CDK12: variants seen among roughly 807,000 people sequenced by gnomAD.
The protein encoded by CDK12 is cyclin dependent kinase 12, also known as cyclin-dependent kinase 12.
CDK12 carries 17 observed loss-of-function variants against 133.8 expected under a neutral mutation model. The ratio of observed to expected loss-of-function variants is 0.13; its 90% confidence interval spans 0.09 to 0.19. The LOEUF (loss-of-function observed/expected upper bound fraction) is 0.19, where lower values mean the gene tolerates loss of function less well. Among genes scored for constraint, CDK12 ranks in the 10% least tolerant of loss-of-function variants. The pLI is 1.00. For synonymous variants in CDK12, 694 were observed against 683.6 expected, an observed-to-expected ratio of 1.02 and a Z score of -0.24; for missense variants, 1,508 against 1,818.7, an observed-to-expected ratio of 0.83 and a Z score of 3.11.
chr17:39,494,793 G>A (rs572509653), intron 5 of CDK12, 99 bp downstream of exon 5: 59 of 871,936 alleles, frequency 6.8e-5, no homozygotes, highest in Admixed American at 4.2e-4. Context: ...TTTTTGAGAC[G>A]GAGTCTTGCT....
Position 39,533,867 on chromosome 17 carries a change from T to C in CDK12, c.*2551T>C, listed in dbSNP as rs2055006649. 1 of 232,258 alleles carries C rather than the reference T, an allele frequency of 4.3e-6. No homozygotes were observed. Among genetic ancestry groups the C allele is most frequent in the African/African-American group, 2.2e-5 (1 of 45,298 alleles). 14.4% of individuals were successfully genotyped at this position (232,258 alleles called of 1,614,324 possible). On this transcript the variant is annotated 3_prime_UTR_variant, in exon 14 of 14. Coordinates refer to ENST00000447079, the MANE Select transcript of CDK12 (RefSeq NM_016507.4). Reference sequence around the variant, plus strand: ...AAAAGGTATTTGTTAATTTTTCAGTTACGTTATCTATAAACATGATGGAAG... The same window carrying C: ...AAAAGGTATTTGTTAATTTTTCAGTCACGTTATCTATAAACATGATGGAAG...
Position 39,524,762 on chromosome 17 carries a change from C to G in CDK12, c.3184C>G (p.Pro1062Ala). The G allele has an allele frequency of 6.2e-7, 1 of 1,614,176 alleles. No individual in the cohort carries two copies. Among genetic ancestry groups the G allele is most frequent in the Non-Finnish European group, 8.5e-7 (1 of 1,180,040 alleles). The change falls in exon 12 of 14, where the codon CCA becomes GCA. Residue 1062 changes from proline (P) to alanine (A), a missense_variant. Around this residue, in one of 9 missense-constraint regions of CDK12, gnomAD observed 399 missense variants for 469.6 expected, o/e 0.85. Transcript: ENST00000447079. ...TGGTGTTGTAGTCGAAGAGCCACCT[C>G]CATCCAAAACTTCTCGAAAAGAAAC... is the stretch of plus-strand genomic sequence containing the variant. Reference protein sequence around the residue: ...QSGVVVEEPPPSKTSRKETTS... With the variant: ...QSGVVVEEPPASKTSRKETTS...
chr17:39,467,181 G>A (rs1235057476), intron 1 of CDK12, among the ~76,000 whole-genome samples: 2 of 151,902 alleles, frequency 1.3e-5, no homozygotes, highest in Admixed American at 6.6e-5. Context: ...GTTTCACCAT[G>A]TTGGCCAGGA....
rs1315080035 is a variant in CDK12, at chr17:39,531,615, T to G, written c.*299T>G. ...CATTGAAAAGTAAATGTTTTATTAGTTCATTGCCTGCACTTACTGATCGGA... is the reference window on the plus strand; with the variant it reads ...CATTGAAAAGTAAATGTTTTATTAGGTCATTGCCTGCACTTACTGATCGGA... On this transcript the variant is annotated 3_prime_UTR_variant, in exon 14 of 14. Coordinates refer to ENST00000447079, the MANE Select transcript of CDK12 (RefSeq NM_016507.4). 7 of 313,420 alleles carry G rather than the reference T, an allele frequency of 2.2e-5. No homozygotes were observed. Among genetic ancestry groups the G allele is most frequent in the Non-Finnish European group, 5.8e-6 (1 of 172,098 alleles). 19.4% of individuals were successfully genotyped at this position (313,420 alleles called of 1,614,324 possible).
intron 13 of CDK12, 63 bp downstream of exon 13, chr17:39,526,379 C>CT (rs1441630914): frequency 9.9e-6 from 13 of 1,312,802 alleles, no homozygotes; most frequent in Non-Finnish European, 1.3e-5. Flanking sequence ...TTAAAAATCT[C>CT]TTAACATTTT....
chr17:39,476,653 T>C (rs1292325425), intron 2 of CDK12, among the ~76,000 whole-genome samples: 1 of 149,230 alleles, frequency 6.7e-6, no homozygotes, highest in Non-Finnish European at 1.5e-5. Flanking sequence ...TCTCAGGTGA[T>C]CTACCTGCCT....
At chr17:39,501,886 C>T (rs1025622434) in intron 6 of CDK12, among the ~76,000 whole-genome samples, 3 of 151,678 alleles carry the variant, frequency 2.0e-5, no homozygotes, top group African/African-American at 4.8e-5. Context: ...CTCTTCTTGC[C>T]CAGGCTGGAG....
At chr17:39,492,582 A>G (rs1414189300) in intron 3 of CDK12, among the ~76,000 whole-genome samples, 169 bp from the exon 4 acceptor site, 1 of 130,474 alleles carries the variant, frequency 7.7e-6, no homozygotes, top group Non-Finnish European at 1.6e-5. Context: ...TAATTTTTGT[A>G]TTTTTTTTAG....
intron 2 of CDK12, among the ~76,000 whole-genome samples, chr17:39,490,203 C>A (rs954864711): frequency 6.6e-6 from 1 of 150,540 alleles, no homozygotes; most frequent in Non-Finnish European, 1.5e-5. Flanking sequence ...CCCATCTCTA[C>A]TAAAAATACA....
At position 39,471,335 on chromosome 17, in the gene CDK12, A is replaced by G. The variant is rs759595705; in HGVS notation, c.1503A>G (p.Arg501=). 6.2e-7 allele frequency: 1 copy of G among 1,613,938 alleles called. No homozygotes were observed. The highest frequency in any genetic ancestry group is 1.3e-5 in the African/African-American group (1 of 74,898). Residue 501 remains arginine (R), a synonymous_variant, in exon 2 of 14, where the codon AGA becomes AGG. Transcript: ENST00000447079. ...LVKDLKAQGT[R]DSKPIALKEE... ...AAGATTTGAAAGCACAGGGAACAAGAGACTCTAAACCCATAGCACTGAAAG... is the reference window on the plus strand; with the variant it reads ...AAGATTTGAAAGCACAGGGAACAAGGGACTCTAAACCCATAGCACTGAAAG...
intron 2 of CDK12, among the ~76,000 whole-genome samples, chr17:39,474,708 C>T (rs2050049435): frequency 7.0e-6 from 1 of 142,992 alleles, no homozygotes; most frequent in African/African-American, 2.6e-5. Flanking sequence ...GATGCAAGTA[C>T]AGTAAATGGA....
chr17:39,494,776 T>C, intron 5 of CDK12, 82 bp downstream of exon 5: 1 of 1,008,056 alleles, frequency 9.9e-7, no homozygotes, highest in Non-Finnish European at 1.4e-6. Flanking sequence ...TTTCTTTCTT[T>C]TTTTTTTTTT....
intron 1 of CDK12, chr17:39,550,620 G>A (rs1461003627): frequency 6.6e-6 from 1 of 152,206 alleles, no homozygotes; most frequent in East Asian, 1.9e-4. Context: ...AGGGTTCAGA[G>A]GTATTTCTGT....
In CDK12 at chr17:39,530,803, C is replaced by T. The variant is rs777897113; in HGVS notation, c.3960C>T (p.His1320=). 47 of 1,614,064 alleles carry T rather than the reference C, an allele frequency of 2.9e-5. No individual in the cohort carries two copies. Among genetic ancestry groups the T allele is most frequent in the Non-Finnish European group, 3.6e-5 (43 of 1,180,042 alleles). The change falls in exon 14 of 14, where the codon CAC becomes CAT. Residue 1320 remains histidine, a synonymous_variant. Transcript: ENST00000447079. ...CTCCTGGCCACCTGCCACATGAGCA[C>T]CAGGCCTTGAGACCAATGGAGTACT... The part of the protein sequence containing the change: ...AEPPGHLPHE[H]QALRPMEYST...
chr17:39,527,311 T>C (rs2054554709), intron 13 of CDK12, among the ~76,000 whole-genome samples: 1 of 152,252 alleles, frequency 6.6e-6, no homozygotes, highest in Admixed American at 6.5e-5. Flanking sequence ...TAACTAATTA[T>C]TGCAGTCACC....
chr17:39,465,353 A>G (rs369720027), intron 1 of CDK12, among the ~76,000 whole-genome samples: 4 of 150,320 alleles, frequency 2.7e-5, no homozygotes, highest in East Asian at 3.9e-4. Flanking sequence ...AGACATCAGT[A>G]TACTTCATTC....
chr17:39,505,064 A>G (rs897093957), intron 6 of CDK12, among the ~76,000 whole-genome samples: 2 of 151,038 alleles, frequency 1.3e-5, no homozygotes, highest in African/African-American at 2.4e-5. Context: ...CCCCGTCTCT[A>G]CTAAAATACA....
chr17:39,507,192 G>A (rs986380620), intron 6 of CDK12, among the ~76,000 whole-genome samples: 8 of 148,884 alleles, frequency 5.4e-5, no homozygotes, highest in East Asian at 2.1e-4. Context: ...CACTGCGCCC[G>A]GCCTGTTCTA....
chr17:39,485,018 AAAT>A (rs2051000780), intron 2 of CDK12, among the ~76,000 whole-genome samples: 1 of 151,932 alleles, frequency 6.6e-6, no homozygotes, highest in Non-Finnish European at 1.5e-5. Flanking sequence ...AAAATACAAA[AAAT>A]TAGCCAGGCG....
Sources: gnomAD v4.1 joint callset for allele counts (sites outside exome capture counted in the v4.1 genomes callset) on GRCh38, gnomAD v4.1.1 for gene constraint, gnomAD v4.1.1 regional missense constraint, MANE v1.5 for transcripts, NCBI Gene and HGNC (gene_info 2026-07-23, HGNC 2026-07-21) for gene names.